NQO1: variants seen among roughly 807,000 people sequenced by gnomAD.
NQO1 encodes the protein NAD(P)H quinone dehydrogenase 1.
A neutral mutation model predicts 32.1 loss-of-function variants in NQO1; 30 were observed. That is an observed-to-expected ratio of 0.94 (90% confidence interval 0.70 to 1.27). NQO1 has a LOEUF of 1.27. NQO1 is among the 50% of genes most tolerant of loss of function. NQO1 has a pLI of 0.00. For synonymous variants in NQO1, 109 were observed against 119.7 expected (o/e 0.91, Z 0.59); for missense variants, 276 against 331.3 (o/e 0.83, Z 1.30).
rs767246020 is a variant in NQO1, at chr16:69,711,118, AG to A, written c.682del (p.Leu228SerfsTer4). 3 of 1,614,202 alleles carry A rather than the reference AG, an allele frequency of 1.9e-6. No individual in the cohort carries two copies. In the Admixed American group the frequency reaches 5.0e-5, roughly 27 times the overall value. On this transcript the variant is annotated frameshift_variant, in exon 6 of 6. Coordinates refer to ENST00000320623, the MANE Select transcript of NQO1 (RefSeq NM_000903.3). LOFTEE classifies it high-confidence loss of function. ...TCCTGCCTGGAAGTTTAGGTCAAAG[AG>A]GCTGCTTGGAGCAAAATACAGTGGT... ...ETPLYFAPSS[L>X]FDLNFQAGFL...
At chr16:69,717,081 A>G (rs1447646592) in intron 3 of NQO1, among the ~76,000 whole-genome samples, 1 of 144,662 alleles carries the variant, frequency 6.9e-6, no homozygotes, top group Non-Finnish European at 1.5e-5. Context: ...TTGAATAACT[A>G]AAAAAAAAAA....
At chr16:69,712,189 CACTT>C (rs1241364696) in intron 5 of NQO1, among the ~76,000 whole-genome samples, 2 of 151,962 alleles carry the variant, frequency 1.3e-5, no homozygotes, top group African/African-American at 4.8e-5. Context: ...CTGGGTCTCT[CACTT>C]TAGACTCCCA....
At chr16:69,715,401 A>G (rs1035928547) in intron 3 of NQO1, among the ~76,000 whole-genome samples, 1 of 152,276 alleles carries the variant, frequency 6.6e-6, no homozygotes, top group Non-Finnish European at 1.5e-5. Flanking sequence ...AGGATTGCAA[A>G]CAAGGTTTGC....
chr16:69,726,043 A>G (rs940156313), intron 1 of NQO1, among the ~76,000 whole-genome samples: 4 of 152,184 alleles, frequency 2.6e-5, no homozygotes, highest in Admixed American at 2.6e-4. Flanking sequence ...AAGTGAAATC[A>G]CCCATTTTAA....
At chr16:69,721,043 A>G (rs1377782868) in intron 1 of NQO1, among the ~76,000 whole-genome samples, 1 of 137,416 alleles carries the variant, frequency 7.3e-6, no homozygotes, top group African/African-American at 2.7e-5. Flanking sequence ...ACCACACCTA[A>G]TTTTTTTTTT....
At chr16:69,719,024 G>A (rs1391166056) in intron 1 of NQO1, among the ~76,000 whole-genome samples, 2 of 99,376 alleles carry the variant, frequency 2.0e-5, no homozygotes, top group African/African-American at 3.9e-5. Flanking sequence ...GACAATGGGA[G>A]ACTCCGTCTC....
Position 69,711,279 on chromosome 16 carries a change from ACT to A in NQO1, c.520_521del (p.Ser174TrpfsTer18). 1 of 1,605,080 alleles carries A rather than the reference ACT, an allele frequency of 6.2e-7. No individual in the cohort carries two copies. The highest frequency in any genetic ancestry group is 1.1e-5 in the South Asian group (1 of 90,716). On this transcript the variant is annotated frameshift_variant and splice_region_variant, in exon 6 of 6. Coordinates refer to ENST00000320623, the MANE Select transcript of NQO1 (RefSeq NM_000903.3). LOFTEE classifies it high-confidence loss of function. ...DMNVILWPIQ[S>X]GILHFCGFQV... Reference sequence around the variant, plus strand: ...GGAAGCCACAGAAATGCAGAATGCCACTCTGAGGATACAGAAAGCACAGAGAG... The same window carrying A: ...GGAAGCCACAGAAATGCAGAATGCCACTGAGGATACAGAAAGCACAGAGAG...
chr16:69,725,028 G>A (rs1319044115), intron 1 of NQO1, among the ~76,000 whole-genome samples: 1 of 152,216 alleles, frequency 6.6e-6, no homozygotes, highest in Non-Finnish European at 1.5e-5. Flanking sequence ...TTGGAGGAGA[G>A]GGTGCCAGTG....
chr16:69,714,444 T>G (rs998596696), intron 4 of NQO1, among the ~76,000 whole-genome samples: 1 of 151,764 alleles, frequency 6.6e-6, no homozygotes, highest in African/African-American at 2.4e-5. Context: ...GTGCTGAAAT[T>G]ACAGGCGTGA....
chr16:69,726,469 G>T lies in NQO1; in HGVS notation c.-30C>A. The T allele has an allele frequency of 1.2e-6, 2 of 1,606,294 alleles. No homozygotes were observed. On this transcript the variant is annotated 5_prime_UTR_variant, in exon 1 of 6. Coordinates refer to ENST00000320623, the MANE Select transcript of NQO1 (RefSeq NM_000903.3). ...CTGGTGCAGTCCGGGGCGCTGATTG[G>T]CTGGGCTCGTGGTTGCCGGGGCGAC... is the stretch of plus-strand genomic sequence containing the variant.
intron 1 of NQO1, among the ~76,000 whole-genome samples, chr16:69,719,617 AC>A (rs2038163378): frequency 6.6e-6 from 1 of 152,000 alleles, no homozygotes; most frequent in South Asian, 2.1e-4. Context: ...CTACAAAAAT[AC>A]AAAAATTAGC....
In NQO1 at chr16:69,710,809, A is replaced by G. The variant is rs1285391402; in HGVS notation, c.*167T>C. On this transcript the variant is annotated 3_prime_UTR_variant, in exon 6 of 6. Coordinates refer to ENST00000320623, the MANE Select transcript of NQO1 (RefSeq NM_000903.3). The stretch of plus-strand genomic sequence containing the variant: ...TATATGCCATGATAGTAATCATAAG[A>G]ATCAGTTAAAAATGATCCAAAAATG... 1.3e-6 allele frequency: 1 copy of G among 760,018 alleles called. No individual in the cohort carries two copies. The allele number at this position is 760,018 out of a possible 1,614,324, so 47.1% of individuals were successfully genotyped here.
intron 1 of NQO1, among the ~76,000 whole-genome samples, chr16:69,725,598 G>A (rs1171965661): frequency 6.6e-6 from 1 of 152,192 alleles, no homozygotes; most frequent in East Asian, 1.9e-4. Context: ...CCCAAGGCCA[G>A]GCACGGTGGC....
In NQO1 at chr16:69,710,140, C is replaced by A; in HGVS notation, c.*836G>T. ...CTGAGGTCAGGAGTTTGAGACCAGC[C>A]TGGCCAACATGGTGAAACGCCGTCT... On this transcript the variant is annotated 3_prime_UTR_variant, in exon 6 of 6. Coordinates refer to ENST00000320623, the MANE Select transcript of NQO1 (RefSeq NM_000903.3). 1 of 176,236 alleles carries A rather than the reference C, an allele frequency of 5.7e-6. No homozygotes were observed. Among genetic ancestry groups the A allele is most frequent in the African/African-American group, 2.4e-5 (1 of 42,484 alleles). 10.9% of individuals were successfully genotyped at this position (176,236 alleles called of 1,614,324 possible).
At chr16:69,723,880 T>C (rs1206363560) in intron 1 of NQO1, among the ~76,000 whole-genome samples, 1 of 152,158 alleles carries the variant, frequency 6.6e-6, no homozygotes, top group Non-Finnish European at 1.5e-5. Context: ...TTTCCCTTCC[T>C]GCCACTTAAC....
intron 1 of NQO1, among the ~76,000 whole-genome samples, chr16:69,718,988 T>C (rs1163542528): frequency 3.3e-5 from 5 of 150,820 alleles, no homozygotes; most frequent in African/African-American, 1.2e-4. Context: ...TGAGCCAAGA[T>C]TGCACCATTG....
At position 69,710,058 on chromosome 16, in the gene NQO1, TGTG is replaced by T; in HGVS notation, c.*915_*917del. 1 of 311,542 alleles carries T rather than the reference TGTG, an allele frequency of 3.2e-6. No individual in the cohort carries two copies. The highest frequency in any genetic ancestry group is 5.8e-6 in the Non-Finnish European group (1 of 172,034). 19.3% of individuals were successfully genotyped at this position (311,542 alleles called of 1,614,324 possible). ...AAAGTAGAAGATTGCAAGGGCCAGG[TGTG>T]GTGGATCACGCCTGTAATCCCAGCA... On this transcript the variant is annotated 3_prime_UTR_variant, in exon 6 of 6. Coordinates refer to ENST00000320623, the MANE Select transcript of NQO1 (RefSeq NM_000903.3).
intron 1 of NQO1, among the ~76,000 whole-genome samples, chr16:69,723,052 A>C (rs2917672): frequency 0.87 from 131,706 of 152,106 alleles, 57,234 homozygotes; most frequent in Admixed American, 0.92. Context: ...CTCAGCCTCC[A>C]GAGTAGCTGG....
chr16:69,723,031 C>G (rs2038213852), intron 1 of NQO1, among the ~76,000 whole-genome samples: 1 of 152,180 alleles, frequency 6.6e-6, no homozygotes, highest in African/African-American at 2.4e-5. Flanking sequence ...AGGTTCACGC[C>G]ATTCTCCTGC....
Sources: allele counts gnomAD v4.1 joint callset (sites outside exome capture counted in the v4.1 genomes callset), GRCh38; gene constraint gnomAD v4.1.1; transcripts MANE v1.5; gene names NCBI Gene and HGNC (gene_info 2026-07-23, HGNC 2026-07-21).